The following ANTXR1 variants were observed in gnomAD, a reference collection of about 807,000 sequenced individuals.
ANTXR1 encodes the protein anthrax toxin receptor 1.
A neutral mutation model predicts 78.1 loss-of-function variants in ANTXR1; 19 were observed. The observed-to-expected ratio is 0.24, with a 90% CI of 0.17 to 0.36. The LOEUF is 0.36. Ranked by LOEUF, ANTXR1 falls within the 10% of genes least tolerant of loss-of-function variation. The pLI, the probability that ANTXR1 is intolerant of heterozygous loss-of-function variation, is 1.00. For missense variants in ANTXR1, 518 were observed against 718.6 expected (o/e 0.72, Z 3.19); for synonymous variants, 273 against 260.5 (o/e 1.05, Z -0.46).
At chr2:69,105,987 T>G (rs1228939278) in intron 10 of ANTXR1, among the ~76,000 whole-genome samples, 5 of 152,212 alleles carry the variant, frequency 3.3e-5, no homozygotes. Flanking sequence ...GTGGGAGATA[T>G]TAATATGATT....
intron 3 of ANTXR1, among the ~76,000 whole-genome samples, chr2:69,055,594 G>A (rs1013596260): frequency 5.3e-5 from 8 of 152,064 alleles, no homozygotes; most frequent in South Asian, 2.1e-4. Context: ...GAGGCCTCAC[G>A]GTATAGTATG....
chr2:69,018,231 C>A (rs1671082464), intron 1 of ANTXR1, among the ~76,000 whole-genome samples: 1 of 152,128 alleles, frequency 6.6e-6, no homozygotes, highest in Non-Finnish European at 1.5e-5. Context: ...GTGCTCCTTC[C>A]CCGTAAGACC....
chr2:69,055,411 G>T (rs1670038766), intron 3 of ANTXR1, among the ~76,000 whole-genome samples: 1 of 152,118 alleles, frequency 6.6e-6, no homozygotes, highest in South Asian at 2.1e-4. Context: ...TCTACAGAAG[G>T]TTTGTTTAAG....
intron 17 of ANTXR1, among the ~76,000 whole-genome samples, chr2:69,210,639 T>C (rs1675017580): frequency 6.6e-6 from 1 of 152,160 alleles, no homozygotes; most frequent in Non-Finnish European, 1.5e-5. Flanking sequence ...AAATTGTACG[T>C]AAGAACCAGA....
intron 13 of ANTXR1, among the ~76,000 whole-genome samples, chr2:69,162,434 A>T (rs35451527): frequency 0.52 from 78,859 of 151,972 alleles, 21,254 homozygotes; most frequent in East Asian, 0.9. Flanking sequence ...AACTTACACT[A>T]CTTGAGGTTT....
chr2:69,152,981 C>T (rs1028628105), intron 13 of ANTXR1, among the ~76,000 whole-genome samples: 1 of 152,132 alleles, frequency 6.6e-6, no homozygotes, highest in African/African-American at 2.4e-5. Flanking sequence ...GTTCCCTGGC[C>T]CTTAGACTGG....
At chr2:69,241,348 A>G (rs529168004) in intron 17 of ANTXR1, among the ~76,000 whole-genome samples, 13 of 152,322 alleles carry the variant, frequency 8.5e-5, no homozygotes, top group Non-Finnish European at 1.3e-4. Context: ...TATGGTCTAA[A>G]TGTTACCGTG....
intron 17 of ANTXR1, among the ~76,000 whole-genome samples, chr2:69,235,307 G>A (rs1255912342): frequency 6.6e-6 from 1 of 152,030 alleles, no homozygotes; most frequent in Non-Finnish European, 1.5e-5. Context: ...ACAGGCATGA[G>A]CCACCGTGCC....
intron 1 of ANTXR1, among the ~76,000 whole-genome samples, chr2:69,017,178 G>T (rs1045587036): frequency 6.6e-6 from 1 of 152,178 alleles, no homozygotes; most frequent in East Asian, 1.9e-4. Flanking sequence ...CAGAGCTAGG[G>T]GATGGGCCAA....
intron 13 of ANTXR1, among the ~76,000 whole-genome samples, chr2:69,152,604 G>A (rs963074391): frequency 4.6e-5 from 7 of 152,174 alleles, no homozygotes; most frequent in Middle Eastern, 3.4e-3. Context: ...CTCTGTGTAC[G>A]GTACACACAC....
intron 17 of ANTXR1, among the ~76,000 whole-genome samples, chr2:69,194,813 A>G (rs1674630575): frequency 6.6e-6 from 1 of 152,056 alleles, no homozygotes; most frequent in Non-Finnish European, 1.5e-5. Flanking sequence ...AGATCGCACC[A>G]CTGCTCCAGC....
chr2:69,140,968 C>T (rs1673051726), intron 12 of ANTXR1, among the ~76,000 whole-genome samples: 1 of 152,178 alleles, frequency 6.6e-6, no homozygotes, highest in African/African-American at 2.4e-5. Context: ...GAATGAATCA[C>T]AGTGTTTCAT....
chr2:69,045,280 A>G (rs1411713275), intron 3 of ANTXR1, among the ~76,000 whole-genome samples: 1 of 152,182 alleles, frequency 6.6e-6, no homozygotes, highest in African/African-American at 2.4e-5. Context: ...CACAAAATAA[A>G]AGGAAATTTA....
At chr2:69,167,422 G>A (rs970687625) in intron 13 of ANTXR1, among the ~76,000 whole-genome samples, 1 of 152,222 alleles carries the variant, frequency 6.6e-6, no homozygotes, top group Non-Finnish European at 1.5e-5. Flanking sequence ...AGGGGAGTGG[G>A]GTGGGCTGAG....
At chr2:69,145,128 T>A (rs954772576) in intron 12 of ANTXR1, among the ~76,000 whole-genome samples, 1 of 151,992 alleles carries the variant, frequency 6.6e-6, no homozygotes, top group Non-Finnish European at 1.5e-5. Context: ...AAGCCCAGAG[T>A]TAAATAGATT....
At chr2:69,023,398 A>G (rs1182183133) in intron 1 of ANTXR1, among the ~76,000 whole-genome samples, 1 of 151,544 alleles carries the variant, frequency 6.6e-6, no homozygotes, top group African/African-American at 2.4e-5. Flanking sequence ...TGATAAGGAT[A>G]ATGGTGATGG....
At chr2:69,071,384 G>C (rs1306046352) in intron 4 of ANTXR1, among the ~76,000 whole-genome samples, 1 of 152,168 alleles carries the variant, frequency 6.6e-6, no homozygotes, top group African/African-American at 2.4e-5. Flanking sequence ...GTAGGCAATT[G>C]TAACACTAAT....
chr2:69,081,240 T>C (rs1246620062), intron 8 of ANTXR1, among the ~76,000 whole-genome samples: 1 of 152,194 alleles, frequency 6.6e-6, no homozygotes, highest in Non-Finnish European at 1.5e-5. Flanking sequence ...GAATTTGAAC[T>C]CAGCTCTGGT....
chr2:69,105,159 C>T (rs575508267), intron 10 of ANTXR1, among the ~76,000 whole-genome samples: 74 of 152,306 alleles, frequency 4.9e-4, no homozygotes, highest in African/African-American at 1.7e-3. Flanking sequence ...GCCTATTTTC[C>T]AACTTCTTTG....
Sources: allele counts gnomAD v4.1 joint callset (sites outside exome capture counted in the v4.1 genomes callset), GRCh38; gene constraint gnomAD v4.1.1; transcripts MANE v1.5; gene names NCBI Gene and HGNC (gene_info 2026-07-23, HGNC 2026-07-21).